Variants in FHIT observed in about 807,000 individuals in gnomAD.
The protein encoded by FHIT is bis(5'-adenosyl)-triphosphatase.
In FHIT, 19 loss-of-function variants were observed where a neutral mutation model predicts 17.9. The observed-to-expected ratio is 1.06, with a 90% CI of 0.74 to 1.56. The LOEUF is 1.56. Among genes scored for constraint, FHIT ranks in the 40% most tolerant of loss-of-function variants. FHIT has a pLI of 0.00. For missense variants in FHIT, 248 were observed against 189.2 expected (o/e 1.31, Z -1.82); for synonymous variants, 81 against 69.7 (o/e 1.16, Z -0.81).
intron 4 of FHIT, among the ~76,000 whole-genome samples, chr3:60,689,549 C>G (rs2040939907): frequency 6.6e-6 from 1 of 152,058 alleles, no homozygotes; most frequent in African/African-American, 2.4e-5. Context: ...TCACAGATAC[C>G]AAGGGACGAC....
intron 4 of FHIT, among the ~76,000 whole-genome samples, chr3:60,765,085 A>G (rs1279423916): frequency 6.6e-6 from 1 of 152,228 alleles, no homozygotes; most frequent in African/African-American, 2.4e-5. Context: ...TTTGAAGCTC[A>G]TAGAAAAAAG....
chr3:60,540,550 C>T (rs1273940625), intron 4 of FHIT, among the ~76,000 whole-genome samples: 1 of 152,134 alleles, frequency 6.6e-6, no homozygotes, highest in Non-Finnish European at 1.5e-5. Flanking sequence ...AGCTGGTGTC[C>T]GCTGCTTTGT....
intron 5 of FHIT, among the ~76,000 whole-genome samples, chr3:60,213,433 C>T (rs968693109): frequency 1.3e-5 from 2 of 152,200 alleles, no homozygotes; most frequent in Non-Finnish European, 2.9e-5. Flanking sequence ...CTTCCTGGAA[C>T]AATCGCTGGG....
At chr3:61,014,607 G>A (rs1377011684) in intron 3 of FHIT, among the ~76,000 whole-genome samples, 8 of 150,634 alleles carry the variant, frequency 5.3e-5, no homozygotes, top group African/African-American at 1.2e-4. Context: ...GAGAAACCCC[G>A]TCTCTACTAA....
At chr3:60,656,645 T>C (rs922312820) in intron 4 of FHIT, among the ~76,000 whole-genome samples, 10 of 152,154 alleles carry the variant, frequency 6.6e-5, no homozygotes, top group African/African-American at 2.4e-4. Flanking sequence ...AAAGGTCCCA[T>C]TGGCCCAAGC....
At chr3:61,170,652 G>A (rs1045279243) in intron 2 of FHIT, among the ~76,000 whole-genome samples, 6 of 152,128 alleles carry the variant, frequency 3.9e-5, no homozygotes, top group African/African-American at 1.4e-4. Flanking sequence ...GTGTTAGTTT[G>A]CTAAGGATAA....
intron 5 of FHIT, among the ~76,000 whole-genome samples, chr3:60,440,627 T>C (rs1269527004): frequency 1.3e-5 from 2 of 152,094 alleles, no homozygotes; most frequent in African/African-American, 4.8e-5. Flanking sequence ...AACTCATTTA[T>C]GTCAAATTTC....
At chr3:61,050,760 G>A (rs1360202020) in intron 2 of FHIT, among the ~76,000 whole-genome samples, 1 of 152,190 alleles carries the variant, frequency 6.6e-6, no homozygotes, top group African/African-American at 2.4e-5. Context: ...CTACATTTGT[G>A]TATATTTGAA....
At chr3:60,037,016 AAGG>A (rs1701245081) in intron 5 of FHIT, among the ~76,000 whole-genome samples, 1 of 152,204 alleles carries the variant, frequency 6.6e-6, no homozygotes, top group Admixed American at 6.5e-5. Flanking sequence ...GAAGGAAGAA[AAGG>A]AGAAGTGTGT....
At chr3:61,125,702 T>C (rs996005095) in intron 2 of FHIT, among the ~76,000 whole-genome samples, 3 of 152,220 alleles carry the variant, frequency 2.0e-5, no homozygotes, top group Non-Finnish European at 2.9e-5. Flanking sequence ...TCTAAAACTA[T>C]GTGCTCAAGT....
chr3:60,329,736 T>C (rs1709872764), intron 5 of FHIT, among the ~76,000 whole-genome samples: 2 of 152,238 alleles, frequency 1.3e-5, no homozygotes, highest in South Asian at 4.1e-4. Flanking sequence ...CTCTGGTAGC[T>C]TGCTCTTACC....
At chr3:61,098,111 G>A (rs1559979591) in intron 2 of FHIT, among the ~76,000 whole-genome samples, 1 of 152,172 alleles carries the variant, frequency 6.6e-6, no homozygotes, top group Admixed American at 6.5e-5. Flanking sequence ...AAGCTATCTC[G>A]AGTTAATTTT....
At chr3:60,290,340 T>A (rs907756019) in intron 5 of FHIT, among the ~76,000 whole-genome samples, 27 of 152,178 alleles carry the variant, frequency 1.8e-4, no homozygotes, top group African/African-American at 6.5e-4. Flanking sequence ...GACCTAGTTA[T>A]TTCCTTTTAA....
chr3:60,896,245 G>A (rs1575658120), intron 3 of FHIT, among the ~76,000 whole-genome samples: 1 of 152,196 alleles, frequency 6.6e-6, no homozygotes, highest in East Asian at 1.9e-4. Context: ...GGGGACCACT[G>A]TTCTAAGGGC....
intron 5 of FHIT, among the ~76,000 whole-genome samples, chr3:60,444,162 T>C (rs1448093679): frequency 6.6e-6 from 1 of 152,134 alleles, no homozygotes; most frequent in African/African-American, 2.4e-5. Flanking sequence ...TCACACCAGT[T>C]AGAATGGTGA....
chr3:60,924,277 C>T (rs1245876527), intron 3 of FHIT, among the ~76,000 whole-genome samples: 1 of 152,174 alleles, frequency 6.6e-6, no homozygotes, highest in African/African-American at 2.4e-5. Context: ...GGGTCCCTGA[C>T]CCCCGAGTAG....
chr3:60,149,011 G>A (rs556113600), intron 5 of FHIT, among the ~76,000 whole-genome samples: 15 of 152,150 alleles, frequency 9.9e-5, no homozygotes, highest in Non-Finnish European at 1.8e-4. Flanking sequence ...GGTTCCCTAC[G>A]GTCTGGTAGT....
intron 5 of FHIT, among the ~76,000 whole-genome samples, chr3:60,091,267 T>A (rs1196378283): frequency 1.3e-5 from 2 of 152,150 alleles, no homozygotes; most frequent in African/African-American, 4.8e-5. Context: ...ACATATGAGT[T>A]TGTTATCTGA....
At chr3:61,208,436 T>C (rs2039330716) in intron 1 of FHIT, among the ~76,000 whole-genome samples, 1 of 152,088 alleles carries the variant, frequency 6.6e-6, no homozygotes, top group African/African-American at 2.4e-5. Context: ...CCATTATTAT[T>C]GTGTGGGAGT....
Sources: gnomAD v4.1 joint callset for allele counts (sites outside exome capture counted in the v4.1 genomes callset) on GRCh38, gnomAD v4.1.1 for gene constraint, MANE v1.5 for transcripts, NCBI Gene and HGNC (gene_info 2026-07-23, HGNC 2026-07-21) for gene names.